Variants in ITGB3BP observed in about 807,000 individuals in gnomAD.
The protein encoded by ITGB3BP is integrin subunit beta 3 binding protein, also known as centromere protein R.
Under a neutral mutation model 29.1 loss-of-function variants are expected in ITGB3BP, and 27 were observed. The observed-to-expected ratio is 0.93, with a 90% CI of 0.68 to 1.28. ITGB3BP has a LOEUF of 1.28. Among genes scored for constraint, ITGB3BP ranks in the 50% most tolerant of loss-of-function variants. ITGB3BP has a pLI of 0.00. For synonymous variants in ITGB3BP, 61 were observed against 61.4 expected (o/e 0.99, Z 0.03); for missense variants, 192 against 200.2 (o/e 0.96, Z 0.25).
At chr1:63,470,543 G>GT (rs995184334) in intron 4 of ITGB3BP, among the ~76,000 whole-genome samples, 8 of 152,248 alleles carry the variant, frequency 5.3e-5, no homozygotes, top group Middle Eastern at 3.4e-3. Flanking sequence ...TTTGTGTCTA[G>GT]TTTTTTCCAC....
chr1:63,472,643 GTT>G (rs540697788), intron 4 of ITGB3BP, among the ~76,000 whole-genome samples: 8 of 142,804 alleles, frequency 5.6e-5, no homozygotes, highest in Admixed American at 7.0e-5. Flanking sequence ...ATTGGTTTTC[GTT>G]TTTTTTTTTT....
intron 4 of ITGB3BP, among the ~76,000 whole-genome samples, chr1:63,468,599 C>A (rs1039255224): frequency 6.6e-6 from 1 of 151,780 alleles, no homozygotes; most frequent in South Asian, 2.1e-4. Context: ...TGGTGGCTTA[C>A]GCCTGTAATC....
chr1:63,501,626 G>A (rs1252377104), intron 2 of ITGB3BP, among the ~76,000 whole-genome samples: 1 of 152,084 alleles, frequency 6.6e-6, no homozygotes, highest in Non-Finnish European at 1.5e-5. Flanking sequence ...ACTCTAGGAG[G>A]CCGAGATGGG....
intron 1 of ITGB3BP, among the ~76,000 whole-genome samples, chr1:63,518,174 G>A (rs1220212427): frequency 6.6e-6 from 1 of 152,184 alleles, no homozygotes; most frequent in Non-Finnish European, 1.5e-5. Flanking sequence ...GAAATGAGAA[G>A]TTGCCTCCTA....
chr1:63,484,041 T>C (rs1335284981), intron 3 of ITGB3BP, among the ~76,000 whole-genome samples: 2 of 152,114 alleles, frequency 1.3e-5, no homozygotes, highest in Non-Finnish European at 2.9e-5. Context: ...GTAAGTACAG[T>C]TGGCCCTCTG....
At chr1:63,482,248 G>GGGT (rs1308911795) in intron 3 of ITGB3BP, among the ~76,000 whole-genome samples, 1 of 132,598 alleles carries the variant, frequency 7.5e-6, no homozygotes, top group Non-Finnish European at 1.6e-5. Context: ...ACTCCAGCCT[G>GGGT]GGTGACAGAG....
intron 2 of ITGB3BP, among the ~76,000 whole-genome samples, chr1:63,505,254 C>T (rs886797499): frequency 2.2e-4 from 33 of 152,186 alleles, no homozygotes; most frequent in Non-Finnish European, 4.0e-4. Context: ...GTGTATGTGT[C>T]GAGGAATTTA....
chr1:63,446,930 T>A, intron 7 of ITGB3BP, 74 bp from the exon 8 acceptor site: 1 of 1,076,550 alleles, frequency 9.3e-7, no homozygotes, highest in Non-Finnish European at 1.4e-6. Flanking sequence ...TGATGCAGAA[T>A]AAATGTTGAA....
rs764942134 is a variant in ITGB3BP, at chr1:63,508,561, T to C, written c.15A>G (p.Arg5=). 5 of 1,407,846 alleles carry C rather than the reference T, an allele frequency of 3.6e-6. No individual in the cohort carries two copies. In the Admixed American group the frequency reaches 1.1e-4, roughly 32 times the overall value. 87.2% of individuals were successfully genotyped at this position (1,407,846 alleles called of 1,614,324 possible). MPVK[R]SLKLDGLLEE... ...CTAACAGACCATCCAACTTCAGTGA[T>C]CTTTTAACACTACAAACAAAAAATT... The change falls in exon 2 of 9, where the codon AGA becomes AGG. Residue 5 remains arginine (R), a synonymous_variant. Transcript: ENST00000271002.
chr1:63,463,543 A>G (rs1645053077), intron 4 of ITGB3BP, among the ~76,000 whole-genome samples: 1 of 152,208 alleles, frequency 6.6e-6, no homozygotes, highest in Admixed American at 6.5e-5. Context: ...ACTTCTCACA[A>G]TGGCAAGTAA....
Position 63,446,258 on chromosome 1 carries a change from A to T in ITGB3BP, c.*1+548T>A, listed in dbSNP as rs147759290. On this transcript the variant is annotated intron_variant, in intron 8 of 8. Transcript: ENST00000271002. ...GTATACTAAACACTAATATATCATG[A>T]CTCATATTGCTTTTGGCTTATTTGT... Among the ~76,000 whole-genome samples, 1,007 of 152,188 alleles carry T rather than the reference A, an allele frequency of 6.6e-3. 1 individual carries two copies. Among genetic ancestry groups the T allele is most frequent in the Non-Finnish European group, 0.011 (777 of 67,996 alleles).
chr1:63,473,201 G>A (rs1357146614), intron 4 of ITGB3BP, among the ~76,000 whole-genome samples: 1 of 151,678 alleles, frequency 6.6e-6, no homozygotes, highest in South Asian at 2.1e-4. Flanking sequence ...TCTCTGCCCG[G>A]CCGCCCCGTC....
intron 4 of ITGB3BP, among the ~76,000 whole-genome samples, chr1:63,465,091 T>A (rs1181188652): frequency 1.3e-5 from 2 of 152,192 alleles, no homozygotes; most frequent in Non-Finnish European, 2.9e-5. Flanking sequence ...ATTTCCTGAT[T>A]TTAATATTTT....
chr1:63,453,730 T>C (rs1019468141), intron 7 of ITGB3BP, 188 bp downstream of exon 7: 5 of 463,712 alleles, frequency 1.1e-5, no homozygotes, highest in African/African-American at 8.1e-5. Context: ...TCATCAGATA[T>C]CATCTTCTGC....
intron 3 of ITGB3BP, among the ~76,000 whole-genome samples, chr1:63,485,668 T>G (rs991179527): frequency 3.9e-5 from 6 of 152,094 alleles, no homozygotes; most frequent in African/African-American, 1.4e-4. Context: ...AATCTGTGAG[T>G]GGCAAACTCT....
intron 2 of ITGB3BP, among the ~76,000 whole-genome samples, chr1:63,506,153 C>T (rs1417703747): frequency 6.6e-6 from 1 of 152,158 alleles, no homozygotes; most frequent in African/African-American, 2.4e-5. Flanking sequence ...GAGTCTAAGT[C>T]TCTTTCTAGG....
chr1:63,514,390 T>C (rs553963103), intron 1 of ITGB3BP, among the ~76,000 whole-genome samples: 2 of 152,162 alleles, frequency 1.3e-5, no homozygotes, highest in Non-Finnish European at 2.9e-5. Context: ...GATAAATAAA[T>C]ACCTAGAAGT....
chr1:63,444,029 G>C (rs1286508605), intron 8 of ITGB3BP, among the ~76,000 whole-genome samples: 1 of 152,134 alleles, frequency 6.6e-6, no homozygotes, highest in East Asian at 1.9e-4. Context: ...CATGGTGAAA[G>C]GCAGAACTGA....
intron 4 of ITGB3BP, among the ~76,000 whole-genome samples, chr1:63,466,946 T>C (rs759796615): frequency 6.6e-6 from 1 of 152,210 alleles, no homozygotes; most frequent in African/African-American, 2.4e-5. Context: ...GCCATGGCTC[T>C]TTCGGCCTGC....
Sources: gnomAD v4.1 joint callset for allele counts (sites outside exome capture counted in the v4.1 genomes callset) on GRCh38, gnomAD v4.1.1 for gene constraint, MANE v1.5 for transcripts, NCBI Gene and HGNC (gene_info 2026-07-23, HGNC 2026-07-21) for gene names.